Variants in ALDH1L1 observed in about 807,000 individuals in gnomAD.
ALDH1L1 encodes the protein cytosolic 10-formyltetrahydrofolate dehydrogenase.
Under a neutral mutation model 101.1 loss-of-function variants are expected in ALDH1L1, and 68 were observed. The observed-to-expected ratio is 0.67, with a 90% CI of 0.55 to 0.82. ALDH1L1 has a LOEUF of 0.82. Ranked by LOEUF, ALDH1L1 falls within the 40% of genes least tolerant of loss-of-function variation. ALDH1L1 has a pLI of 0.00. For synonymous variants in ALDH1L1, 486 were observed against 470.8 expected (o/e 1.03, Z -0.42); for missense variants, 1,087 against 1,172.7 (o/e 0.93, Z 1.07).
At chr3:126,188,409 C>A (rs1049290371) in intron 1 of ALDH1L1, among the ~76,000 whole-genome samples, 2 of 152,186 alleles carry the variant, frequency 1.3e-5, no homozygotes, top group Non-Finnish European at 2.9e-5. Flanking sequence ...GTCCTGGAAC[C>A]AATGCCTTGC....
intron 22 of ALDH1L1, chr3:126,104,153 C>T (rs1945777226): frequency 6.5e-6 from 3 of 463,394 alleles, no homozygotes; most frequent in East Asian, 3.9e-5. Flanking sequence ...AGAGACTTGG[C>T]GTTACTGCCC....
chr3:126,137,732 T>C, intron 10 of ALDH1L1, 81 bp downstream of exon 10: 1 of 1,524,022 alleles, frequency 6.6e-7, no homozygotes, highest in Non-Finnish European at 8.8e-7. Flanking sequence ...TGTCCAGGTT[T>C]CCCCTCTTGT....
At chr3:126,154,752 G>C in intron 5 of ALDH1L1, 109 bp from the exon 6 acceptor site, 1 of 985,298 alleles carries the variant, frequency 1.0e-6, no homozygotes, top group Admixed American at 2.0e-5. Context: ...GGTAACCCCA[G>C]CTTCCTCTTA....
intron 1 of ALDH1L1, among the ~76,000 whole-genome samples, chr3:126,167,044 A>G (rs547298879): frequency 6.6e-6 from 1 of 152,208 alleles, no homozygotes; most frequent in Non-Finnish European, 1.5e-5. Flanking sequence ...TTTTCTGTAT[A>G]TGAGTCATTC....
chr3:126,131,463 T>C lies in ALDH1L1; in HGVS notation c.1544A>G (p.Tyr515Cys), dbSNP rs781344156. The C allele has an allele frequency of 1.1e-5, 18 of 1,613,414 alleles. No individual in the cohort carries two copies. The highest frequency in any genetic ancestry group is 6.7e-5 in the Admixed American group (4 of 59,988). The part of the protein sequence containing the change: ...TIEALDAGAV[Y>C]TLALKTHVGM... ...CACGTGGGTCTTCAGGGCCAGCGTGTAGACGGCACCCGCATCCAGGGCCTC... is the reference window on the plus strand; with the variant it reads ...CACGTGGGTCTTCAGGGCCAGCGTGCAGACGGCACCCGCATCCAGGGCCTC... The change falls in exon 13 of 23, where the codon TAC (tyrosine) becomes TGC (cysteine). Residue 515 changes from tyrosine (Y) to cysteine (C), a missense_variant. By Grantham distance (194) the Tyr-to-Cys change is radical (BLOSUM62 -2). Coordinates refer to ENST00000393434, the MANE Select transcript of ALDH1L1 (RefSeq NM_012190.4).
chr3:126,112,939 C>T, intron 18 of ALDH1L1, 59 bp from the exon 19 acceptor site: 1 of 1,534,770 alleles, frequency 6.5e-7, no homozygotes, highest in East Asian at 2.3e-5. Context: ...CAGCCCCCGG[C>T]TCTGCCAGGG....
At chr3:126,112,072 C>G (rs1451581561) in intron 19 of ALDH1L1, among the ~76,000 whole-genome samples, 1 of 151,980 alleles carries the variant, frequency 6.6e-6, no homozygotes, top group Non-Finnish European at 1.5e-5. Context: ...TGAAGCCAAC[C>G]CGCTGAGGAA....
At chr3:126,188,965 G>A (rs1458185801) in intron 1 of ALDH1L1, among the ~76,000 whole-genome samples, 2 of 152,014 alleles carry the variant, frequency 1.3e-5, no homozygotes, top group African/African-American at 2.4e-5. Flanking sequence ...GACTGAGTCT[G>A]TACAGTACCC....
At chr3:126,163,244 G>T (rs1162394415) in intron 1 of ALDH1L1, among the ~76,000 whole-genome samples, 1 of 152,070 alleles carries the variant, frequency 6.6e-6, no homozygotes. Flanking sequence ...AAATTGGTTT[G>T]TCTTTTTTGT....
At chr3:126,131,326 T>C (rs3821451) in intron 13 of ALDH1L1, 58 bp downstream of exon 13, 930,166 of 1,488,698 alleles carry the variant, frequency 0.62, 293,599 homozygotes, top group Middle Eastern at 0.68. Flanking sequence ...CTTGGAGTTC[T>C]CCTATATGGC....
In ALDH1L1 at chr3:126,150,457, G is replaced by C; in HGVS notation, c.933C>G (p.Ser311Arg). 1 of 1,551,624 alleles carries C rather than the reference G, an allele frequency of 6.4e-7. No homozygotes were observed. The highest frequency in any genetic ancestry group is 8.7e-7 in the Non-Finnish European group (1 of 1,146,946). ...CTGCCTCTGTCAGCTCAAGGACACTGCTGGCTGCCCCCTTAAAGAAGTTCG... is the reference window on the plus strand; with the variant it reads ...CTGCCTCTGTCAGCTCAAGGACACTCCTGGCTGCCCCCTTAAAGAAGTTCG... ...LASNFFKGAA[S>R]SVLELTEAEL... Residue 311 changes from serine to arginine, a missense_variant, in exon 8 of 23, where the codon AGC becomes AGG. Ser to Arg is a moderately radical substitution (Grantham distance 110). Transcript: ENST00000393434.
At chr3:126,136,499 G>A (rs1176635052) in intron 11 of ALDH1L1, among the ~76,000 whole-genome samples, 3 of 152,138 alleles carry the variant, frequency 2.0e-5, no homozygotes, top group Non-Finnish European at 4.4e-5. Flanking sequence ...CTTCCTTGGG[G>A]TAGGAGGAAC....
intron 1 of ALDH1L1, among the ~76,000 whole-genome samples, chr3:126,172,760 C>G (rs1285519303): frequency 2.6e-5 from 4 of 151,320 alleles, no homozygotes. Context: ...AAGATCACCC[C>G]CCACCCCCCA....
chr3:126,105,968 A>G, intron 21 of ALDH1L1, 43 bp from the exon 22 acceptor site: 2 of 1,592,932 alleles, frequency 1.3e-6, no homozygotes, highest in South Asian at 1.1e-5. Flanking sequence ...GGAGGTGCAG[A>G]GGAGAGCCTG....
chr3:126,137,341 T>C (rs938446643), intron 10 of ALDH1L1, among the ~76,000 whole-genome samples: 1 of 152,210 alleles, frequency 6.6e-6, no homozygotes, highest in African/African-American at 2.4e-5. Flanking sequence ...CTTGGCCCCT[T>C]ACTTCACCCA....
intron 10 of ALDH1L1, among the ~76,000 whole-genome samples, chr3:126,137,495 C>T (rs1205339779): frequency 6.6e-6 from 1 of 152,236 alleles, no homozygotes; most frequent in African/African-American, 2.4e-5. Context: ...TCCATACACA[C>T]AAGTTGAATG....
In ALDH1L1 at chr3:126,168,677, G is replaced by A. The variant is rs149456264; in HGVS notation, c.-23-7675C>T. Among the ~76,000 whole-genome samples the A allele has an allele frequency of 8.8e-3, 1,341 of 152,012 alleles. 22 individuals carry two copies. The highest frequency in any genetic ancestry group is 0.03 in the African/African-American group (1,263 of 41,474). ...TGTCTTTCCTAACCCCTGGCTTTTC[G>A]GTGCTGCACAAAACCCCTAAACCAT... On this transcript the variant is annotated intron_variant, in intron 1 of 22. Transcript: ENST00000393434.
chr3:126,193,910 T>C (rs1020667070), intron 1 of ALDH1L1, among the ~76,000 whole-genome samples: 2 of 152,226 alleles, frequency 1.3e-5, no homozygotes, highest in Non-Finnish European at 2.9e-5. Flanking sequence ...TCATTAAAGT[T>C]CCAGGAATTC....
intron 3 of ALDH1L1, 117 bp from the exon 4 acceptor site, chr3:126,157,625 C>G (rs2080942004): frequency 8.9e-7 from 1 of 1,123,676 alleles, no homozygotes; most frequent in African/African-American, 1.6e-5. Context: ...AGGGGTAGGA[C>G]TGACACCGGC....
Sources: gnomAD v4.1 joint callset for allele counts (sites outside exome capture counted in the v4.1 genomes callset) on GRCh38, gnomAD v4.1.1 for gene constraint, MANE v1.5 for transcripts, NCBI Gene and HGNC (gene_info 2026-07-23, HGNC 2026-07-21) for gene names.